Variants in CHRM2 observed in about 807,000 individuals in gnomAD.
CHRM2 encodes the protein cholinergic receptor muscarinic 2.
In CHRM2, 8 loss-of-function variants were observed where a neutral mutation model predicts 25.0. That is an observed-to-expected ratio of 0.32 (90% CI 0.19 to 0.58). The LOEUF (loss-of-function observed/expected upper bound fraction) is 0.58, where lower values mean the gene tolerates loss of function less well. Ranked by LOEUF, CHRM2 falls within the 20% of genes least tolerant of loss-of-function variation. The pLI, the probability that CHRM2 is intolerant of heterozygous loss-of-function variation, is 0.88. For missense variants in CHRM2, 440 were observed against 567.1 expected (o/e 0.78, Z 2.28); for synonymous variants, 202 against 205.7 (o/e 0.98, Z 0.15).
intron 2 of CHRM2, chr7:136,938,262 A>C: frequency 1.1e-6 from 1 of 882,960 alleles, no homozygotes; most frequent in Non-Finnish European, 1.9e-6. Context: ...AGAAACTTTT[A>C]AAAGAAGAGT....
rs1203302264 is a variant in CHRM2, at chr7:136,920,053, AATATGGTGACATTTCAATCTT to A, written c.-125+50653_-125+50673del. On this transcript the variant is annotated intron_variant, in intron 2 of 3. Transcript: ENST00000680005. ...TAGTGAAGCTCCCAGGGGATGCAGA[AATATGGTGACATTTCAATCTT>A]ATATGGTGACATTTCAACCTTATAT... Among the ~76,000 whole-genome samples, 43 of 151,832 alleles carry A rather than the reference AATATGGTGACATTTCAATCTT, an allele frequency of 2.8e-4. 1 individual carries two copies. The highest frequency in any genetic ancestry group is 8.0e-4 in the African/African-American group (33 of 41,194).
At chr7:136,985,895 G>C (rs1802822828) in intron 2 of CHRM2, among the ~76,000 whole-genome samples, 1 of 152,148 alleles carries the variant, frequency 6.6e-6, no homozygotes, top group Non-Finnish European at 1.5e-5. Context: ...TCCACACTGA[G>C]GTGATTTTTC....
intron 2 of CHRM2, among the ~76,000 whole-genome samples, chr7:136,983,886 A>T (rs1172632582): frequency 6.6e-6 from 1 of 152,100 alleles, no homozygotes; most frequent in African/African-American, 2.4e-5. Flanking sequence ...CTGCTGGGAG[A>T]TGTCTCCCCA....
chr7:136,958,008 T>C (rs1800825225), intron 2 of CHRM2, among the ~76,000 whole-genome samples: 1 of 152,232 alleles, frequency 6.6e-6, no homozygotes, highest in South Asian at 2.1e-4. Context: ...TGACTCATAG[T>C]GGCTGCTTGA....
intron 2 of CHRM2, among the ~76,000 whole-genome samples, chr7:136,974,097 ATAAAAT>A (rs1328420455): frequency 6.6e-6 from 1 of 152,174 alleles, no homozygotes; most frequent in African/African-American, 2.4e-5. Context: ...AATAAAATAA[ATAAAAT>A]TAGAGTGTCT....
At chr7:136,918,708 T>G (rs1417744689) in intron 2 of CHRM2, among the ~76,000 whole-genome samples, 1 of 152,098 alleles carries the variant, frequency 6.6e-6, no homozygotes, top group Non-Finnish European at 1.5e-5. Context: ...TACAGGTGCA[T>G]GCCACCATGC....
intron 2 of CHRM2, among the ~76,000 whole-genome samples, chr7:136,912,399 T>C (rs938346846): frequency 6.6e-6 from 1 of 151,954 alleles, no homozygotes; most frequent in African/African-American, 2.4e-5. Context: ...TCCATGTATA[T>C]CATAGCAAGA....
At chr7:136,934,548 C>A (rs996874045) in intron 2 of CHRM2, among the ~76,000 whole-genome samples, 16 of 152,040 alleles carry the variant, frequency 1.1e-4, no homozygotes, top group Non-Finnish European at 1.9e-4. Flanking sequence ...CCTTTTAGAA[C>A]TCCCTCTTGG....
chr7:136,919,767 G>T (rs1289435657), intron 2 of CHRM2, among the ~76,000 whole-genome samples: 2 of 152,036 alleles, frequency 1.3e-5, no homozygotes, highest in Non-Finnish European at 2.9e-5. Flanking sequence ...CAACTTTCAT[G>T]ATTCTATTTG....
rs1276348307 is a variant in CHRM2, at chr7:137,016,382, C to T, written c.*116C>T. ...TGCACTTTATAGTCTGATTACAAAACGTGCAATTCAGGAGCCCAGCAGTGA... is the reference window on the plus strand; with the variant it reads ...TGCACTTTATAGTCTGATTACAAAATGTGCAATTCAGGAGCCCAGCAGTGA... On this transcript the variant is annotated 3_prime_UTR_variant, in exon 4 of 4. Coordinates refer to ENST00000680005, the MANE Select transcript of CHRM2 (RefSeq NM_001006630.2). 1.3e-5 allele frequency: 15 copies of T among 1,150,516 alleles called. No individual in the cohort carries two copies. Among genetic ancestry groups the T allele is most frequent in the Admixed American group, 8.1e-5 (4 of 49,106 alleles). The allele number at this position is 1,150,516 out of a possible 1,614,324, so 71.3% of individuals were successfully genotyped here.
At chr7:136,924,503 T>A (rs562498582) in intron 2 of CHRM2, among the ~76,000 whole-genome samples, 3 of 152,130 alleles carry the variant, frequency 2.0e-5, no homozygotes, top group East Asian at 3.9e-4. Context: ...AGAATGATGG[T>A]TTCCAGCTTC....
At chr7:136,898,582 G>C (rs1391633343) in intron 2 of CHRM2, among the ~76,000 whole-genome samples, 1 of 151,952 alleles carries the variant, frequency 6.6e-6, no homozygotes, top group Non-Finnish European at 1.5e-5. Context: ...GGCTCTGTGA[G>C]AGAGAATGAC....
intron 2 of CHRM2, chr7:136,870,919 G>C (rs565076591): frequency 7.9e-5 from 12 of 152,424 alleles, no homozygotes; most frequent in African/African-American, 2.6e-4. Flanking sequence ...TTTCTTTTTT[G>C]TTTGTTTTGC....
chr7:136,999,060 T>A (rs1803802697), intron 3 of CHRM2, among the ~76,000 whole-genome samples: 2 of 152,202 alleles, frequency 1.3e-5, no homozygotes, highest in Non-Finnish European at 2.9e-5. Context: ...AGTAGGTTTA[T>A]TTAATTTAGT....
chr7:136,937,223 G>C (rs1799467045), intron 2 of CHRM2, among the ~76,000 whole-genome samples: 1 of 152,050 alleles, frequency 6.6e-6, no homozygotes, highest in Non-Finnish European at 1.5e-5. Flanking sequence ...ATCCTTCCTG[G>C]TGACTTAAAC....
At chr7:136,996,050 C>A (rs992410766) in intron 3 of CHRM2, among the ~76,000 whole-genome samples, 3 of 151,658 alleles carry the variant, frequency 2.0e-5, no homozygotes, top group African/African-American at 4.8e-5. Context: ...AATGGTAGAA[C>A]CACATTTCAA....
At chr7:136,947,063 C>G in intron 2 of CHRM2, among the ~76,000 whole-genome samples, 1 of 152,124 alleles carries the variant, frequency 6.6e-6, no homozygotes, top group East Asian at 1.9e-4. Context: ...TTATGTTAGC[C>G]AAATAGTTTT....
rs187460757 is a variant in CHRM2, at chr7:136,969,260, T to A, written c.-124-22927T>A. ...TAATTAGACTTACACAAAGTTAGAA[T>A]GATAATGGTACCAATAAATTTCCAA... is the stretch of plus-strand genomic sequence containing the variant. On this transcript the variant is annotated intron_variant, in intron 2 of 3. Transcript: ENST00000680005. 4.0e-3 allele frequency among the ~76,000 whole-genome samples: 608 copies of A among 152,332 alleles called. 1 individual carries two copies. The highest frequency in any genetic ancestry group is 6.8e-3 in the Non-Finnish European group (462 of 68,014).
chr7:136,948,410 C>T lies in CHRM2; in HGVS notation c.-124-43777C>T, dbSNP rs140574724. On this transcript the variant is annotated intron_variant, in intron 2 of 3. Coordinates refer to ENST00000680005, the MANE Select transcript of CHRM2 (RefSeq NM_001006630.2). The stretch of plus-strand genomic sequence containing the variant: ...TCTGATTTATAGTAAGTAGGCCAAA[C>T]TTGTGCCAATGGGAGTGGATCACTG... Among the ~76,000 whole-genome samples, 15 of 152,196 alleles carry T rather than the reference C, an allele frequency of 9.9e-5. No individual in the cohort carries two copies. In the East Asian group the frequency reaches 2.9e-3, roughly 29 times the overall value.
Sources: gnomAD v4.1 joint callset for allele counts (sites outside exome capture counted in the v4.1 genomes callset) on GRCh38, gnomAD v4.1.1 for gene constraint, MANE v1.5 for transcripts, NCBI Gene and HGNC (gene_info 2026-07-23, HGNC 2026-07-21) for gene names.